The following CREB5 variants were observed in gnomAD, a reference collection of about 807,000 sequenced individuals.
CREB5 encodes the protein cyclic AMP-responsive element-binding protein 5.
CREB5 carries 19 observed loss-of-function variants against 57.1 expected under a neutral mutation model. That is an observed-to-expected ratio of 0.33 (90% CI 0.23 to 0.49). The LOEUF is 0.49. Among genes scored for constraint, CREB5 ranks in the 20% least tolerant of loss-of-function variants. CREB5 has a pLI of 0.99. For synonymous variants in CREB5, 238 were observed against 238.3 expected (o/e 1.00, Z 0.01); for missense variants, 579 against 671.6 (o/e 0.86, Z 1.52).
chr7:28,377,944 A>AT (rs1412093168), intron 1 of CREB5, among the ~76,000 whole-genome samples: 1 of 147,668 alleles, frequency 6.8e-6, no homozygotes, highest in East Asian at 2.0e-4. Context: ...AAAAAAAAAA[A>AT]ACAAAAAAGA....
chr7:28,723,157 C>T (rs1803135957), intron 6 of CREB5, among the ~76,000 whole-genome samples: 2 of 152,196 alleles, frequency 1.3e-5, no homozygotes, highest in Non-Finnish European at 2.9e-5. Context: ...CATCCGTTGG[C>T]AAATGGAAAC....
intron 7 of CREB5, among the ~76,000 whole-genome samples, chr7:28,776,263 G>A (rs1806628024): frequency 1.3e-5 from 2 of 151,794 alleles, no homozygotes; most frequent in African/African-American, 2.4e-5. Context: ...GCGTGATCCC[G>A]GGAGGCGGAG....
At chr7:28,305,521 A>G (rs564350438) in intron 1 of CREB5, among the ~76,000 whole-genome samples, 28 of 152,096 alleles carry the variant, frequency 1.8e-4, no homozygotes, top group African/African-American at 6.0e-4. Context: ...ACTTACCCCA[A>G]AGCTACTGCA....
intron 1 of CREB5, among the ~76,000 whole-genome samples, chr7:28,346,010 T>A (rs556159688): frequency 4.6e-5 from 7 of 152,088 alleles, no homozygotes; most frequent in Admixed American, 2.6e-4. Context: ...AGATACCACA[T>A]TATCCGAAGG....
intron 4 of CREB5, among the ~76,000 whole-genome samples, chr7:28,559,305 GTTTTTTGTTTGT>G (rs1273565728): frequency 5.3e-5 from 8 of 152,070 alleles, no homozygotes; most frequent in African/African-American, 9.7e-5. Flanking sequence ...CAGCATATAG[GTTTTTTGTTTGT>G]TTGTTTGTTT....
intron 1 of CREB5, among the ~76,000 whole-genome samples, chr7:28,379,392 G>A (rs1399304393): frequency 3.3e-5 from 5 of 152,182 alleles, no homozygotes; most frequent in African/African-American, 1.2e-4. Context: ...GTGTTTTAAG[G>A]TTCTGAGAGC....
At chr7:28,766,622 T>C (rs543112522) in intron 7 of CREB5, among the ~76,000 whole-genome samples, 1 of 152,288 alleles carries the variant, frequency 6.6e-6, no homozygotes, top group East Asian at 1.9e-4. Context: ...ATGGCAAACA[T>C]TGGAGCACCC....
At position 28,496,729 on chromosome 7, in the gene CREB5, G is replaced by A. The variant is rs559311908; in HGVS notation, c.169+1730G>A. Among the ~76,000 whole-genome samples, 12 of 152,112 alleles carry A rather than the reference G, an allele frequency of 7.9e-5. No homozygotes were observed. In the South Asian group the frequency reaches 2.3e-3, roughly 29 times the overall value. ...AATGTGCTCTGGCTTGGAAGACACC[G>A]AGTTCAAAGGCAGCATCTGCCCTTC... On this transcript the variant is annotated intron_variant, in intron 3 of 10. Transcript: ENST00000357727.
intron 7 of CREB5, among the ~76,000 whole-genome samples, chr7:28,727,750 G>A (rs1803405694): frequency 6.6e-6 from 1 of 152,156 alleles, no homozygotes; most frequent in Non-Finnish European, 1.5e-5. Flanking sequence ...GGCTACTACT[G>A]TATAGGACTG....
chr7:28,519,270 G>A (rs1201171120), intron 4 of CREB5, among the ~76,000 whole-genome samples: 1 of 152,024 alleles, frequency 6.6e-6, no homozygotes. Flanking sequence ...TATGTTTTAG[G>A]CACATGTATT....
upstream of CREB5, chr7:28,409,612 T>A (rs1473948705): frequency 8.0e-6 from 2 of 249,430 alleles, no homozygotes; most frequent in Non-Finnish European, 1.6e-5. This position sits in a 1 kb window ranked among gnomAD's most constrained non-coding sequence, Gnocchi z 4.4. Context: ...GCGATGCATT[T>A]TTTTCTGGAG....
rs550548005 is a variant in CREB5, at chr7:28,646,930, C to T, written c.465-71823C>T. ...TTTGCATCTGGGCTTATTTCATTGG[C>T]CGAAAACTAGACTAACCTGTAAAAG... On this transcript the variant is annotated intron_variant, in intron 5 of 10. Transcript: ENST00000357727. 1.3e-4 allele frequency among the ~76,000 whole-genome samples: 19 copies of T among 151,714 alleles called. No individual in the cohort carries two copies. In the East Asian group the frequency reaches 3.7e-3, roughly 30 times the overall value.
intron 5 of CREB5, among the ~76,000 whole-genome samples, chr7:28,600,487 T>C (rs1035347911): frequency 6.6e-6 from 1 of 152,146 alleles, no homozygotes; most frequent in Admixed American, 6.6e-5. Flanking sequence ...ATGCTAATAT[T>C]TGTTTAATTT....
At chr7:28,406,418 G>A (rs756371183) in intron 1 of CREB5, among the ~76,000 whole-genome samples, 11 of 152,184 alleles carry the variant, frequency 7.2e-5, no homozygotes, top group Non-Finnish European at 1.3e-4. Flanking sequence ...CTCTGCCACC[G>A]CCAATGGTAC....
chr7:28,656,848 AAGAT>A (rs1799350961), intron 5 of CREB5, among the ~76,000 whole-genome samples: 1 of 143,356 alleles, frequency 7.0e-6, no homozygotes, highest in Admixed American at 6.7e-5. Context: ...TACATCTAAG[AAGAT>A]TTTTTTTTTT....
At chr7:28,695,924 C>G (rs1362402457) in intron 5 of CREB5, among the ~76,000 whole-genome samples, 1 of 145,128 alleles carries the variant, frequency 6.9e-6, no homozygotes, top group Non-Finnish European at 1.5e-5. Flanking sequence ...GAAAACTTGT[C>G]ACTTCATTAT....
chr7:28,576,938 T>G (rs78549976), intron 5 of CREB5, among the ~76,000 whole-genome samples: 4,948 of 152,330 alleles, frequency 0.032, 143 homozygotes, highest in African/African-American at 0.068. Flanking sequence ...CCTGGAATCA[T>G]TCTTTCTGTG....
At position 28,339,211 on chromosome 7, in the gene CREB5, T is replaced by C. The variant is rs1157498835; in HGVS notation, c.-25+39770T>C. Among the ~76,000 whole-genome samples, 3 of 152,042 alleles carry C rather than the reference T, an allele frequency of 2.0e-5. No individual in the cohort carries two copies. The East Asian group carries it at 5.8e-4, about 29-fold the overall frequency. ...TTGTCAGTGTCTGGGAATTGAAGAG[T>C]TAGCTATTTGTTGAAGTCTCACAGT... On this transcript the variant is annotated intron_variant, in intron 1 of 9. Transcript: ENST00000396299.
At chr7:28,817,782 T>A (rs1422638104) in intron 9 of CREB5, among the ~76,000 whole-genome samples, 2 of 152,058 alleles carry the variant, frequency 1.3e-5, no homozygotes, top group Non-Finnish European at 1.5e-5. Flanking sequence ...CAGTGTGGAG[T>A]AAGGATTCTC....
Sources: allele counts gnomAD v4.1 joint callset (sites outside exome capture counted in the v4.1 genomes callset), GRCh38; gene constraint gnomAD v4.1.1; non-coding constraint Gnocchi (gnomAD v3.1); transcripts MANE v1.5; gene names NCBI Gene and HGNC (gene_info 2026-07-23, HGNC 2026-07-21).